CAB39: variants seen among roughly 807,000 people sequenced by gnomAD.
The protein encoded by CAB39 is calcium binding protein 39.
A neutral mutation model predicts 40.0 loss-of-function variants in CAB39; 8 were observed. That is an observed-to-expected ratio of 0.20 (90% CI 0.12 to 0.36). The LOEUF is 0.36. Ranked by LOEUF, CAB39 falls within the 10% of genes least tolerant of loss-of-function variation. The probability of loss-of-function intolerance (pLI) is 1.00; values close to 1 mark genes in which losing one functional copy is unlikely to be tolerated. For missense variants in CAB39, 270 were observed against 401.1 expected (o/e 0.67, Z 2.79); for synonymous variants, 156 against 141.6 (o/e 1.10, Z -0.72).
chr2:230,754,485 GCTC>G (rs941219852), intron 1 of CAB39, among the ~76,000 whole-genome samples: 1 of 114,856 alleles, frequency 8.7e-6, no homozygotes, highest in Non-Finnish European at 1.8e-5. Context: ...TACTCCTTCC[GCTC>G]CTCTTCCTCC....
intron 1 of CAB39, among the ~76,000 whole-genome samples, chr2:230,726,848 C>G (rs887109756): frequency 6.9e-6 from 1 of 144,086 alleles, no homozygotes; most frequent in Non-Finnish European, 1.5e-5. Flanking sequence ...AATGTTTTTT[C>G]TTTTTTAATC....
intron 1 of CAB39, among the ~76,000 whole-genome samples, chr2:230,752,813 A>G (rs1695113723): frequency 6.6e-6 from 1 of 152,242 alleles, no homozygotes; most frequent in South Asian, 2.1e-4. Flanking sequence ...GGAAGAGTTG[A>G]GTAAAGTTTG....
chr2:230,774,498 T>C (rs908337827), intron 2 of CAB39, among the ~76,000 whole-genome samples: 17 of 152,184 alleles, frequency 1.1e-4, no homozygotes, highest in African/African-American at 3.9e-4. Context: ...ACTTAGTCTT[T>C]CACTGCCAAC....
intron 2 of CAB39, among the ~76,000 whole-genome samples, chr2:230,783,442 A>AGTTTAGTTTTGTTTTGTTTT (rs144986777): frequency 1.3e-5 from 2 of 148,868 alleles, no homozygotes; most frequent in African/African-American, 2.5e-5. Context: ...GTTCTTGTCT[A>AGTTTAGTTTTGTTTTGTTTT]GTTTTGTTTT....
At chr2:230,756,723 C>T (rs956216035) in intron 1 of CAB39, among the ~76,000 whole-genome samples, 4 of 151,968 alleles carry the variant, frequency 2.6e-5, no homozygotes, top group Non-Finnish European at 2.9e-5. Flanking sequence ...GACGGAGTTT[C>T]GCTCTGTCGC....
chr2:230,760,761 G>A (rs1414886757), intron 2 of CAB39, among the ~76,000 whole-genome samples: 1 of 152,064 alleles, frequency 6.6e-6, no homozygotes, highest in Non-Finnish European at 1.5e-5. Flanking sequence ...TCCCACTTGT[G>A]ACTTGCCCTC....
chr2:230,741,504 T>G (rs542818115), intron 1 of CAB39, among the ~76,000 whole-genome samples: 3 of 152,314 alleles, frequency 2.0e-5, no homozygotes, highest in Admixed American at 6.5e-5. Context: ...AATGGGAATT[T>G]ATTTTCTCCT....
rs370597496 is a variant in CAB39 at position 230,740,671 on chromosome 2, C to T, written c.-43-19288C>T. ...ACCTAGATCCCTCGAATGCACAGTT[C>T]GCAATAGGGTTCACGCTCCTGTGAG... On this transcript the variant is annotated intron_variant, in intron 1 of 8. Transcript: ENST00000258418. Among the ~76,000 whole-genome samples the T allele has an allele frequency of 1.1e-4, 17 of 152,214 alleles. No individual in the cohort carries two copies. The East Asian group carries it at 1.2e-3, about 10-fold the overall frequency.
At chr2:230,733,177 A>C (rs1386433626) in intron 1 of CAB39, among the ~76,000 whole-genome samples, 1 of 152,208 alleles carries the variant, frequency 6.6e-6, no homozygotes, top group Non-Finnish European at 1.5e-5. Context: ...CAGACAGCAC[A>C]CATTTATGCC....
intron 2 of CAB39, among the ~76,000 whole-genome samples, chr2:230,764,929 A>G (rs538755356): frequency 1.3e-5 from 2 of 152,228 alleles, no homozygotes; most frequent in Non-Finnish European, 2.9e-5. Flanking sequence ...TGTATATTCA[A>G]AGGTCAAGAT....
intron 1 of CAB39, among the ~76,000 whole-genome samples, chr2:230,741,381 C>G (rs1195156337): frequency 5.9e-5 from 9 of 152,312 alleles, no homozygotes; most frequent in Middle Eastern, 3.4e-3. Flanking sequence ...TACAGGTCTA[C>G]TTCAGAATAT....
At chr2:230,720,028 A>T (rs1172769836) in intron 1 of CAB39, among the ~76,000 whole-genome samples, 1 of 152,220 alleles carries the variant, frequency 6.6e-6, no homozygotes, top group African/African-American at 2.4e-5. Flanking sequence ...CTTTGTGCTT[A>T]TGAATAAATA....
At chr2:230,798,636 C>A in intron 4 of CAB39, 93 bp from the exon 5 acceptor site, 1 of 1,041,004 alleles carries the variant, frequency 9.6e-7, no homozygotes, top group Non-Finnish European at 1.4e-6. Context: ...TGTCTGAAAA[C>A]TGTCTTTGGC....
intron 1 of CAB39, among the ~76,000 whole-genome samples, chr2:230,757,512 A>G (rs1695213400): frequency 6.6e-6 from 1 of 152,136 alleles, no homozygotes; most frequent in South Asian, 2.1e-4. Context: ...ACACAGAAGT[A>G]TTTTATATAT....
intron 6 of CAB39, among the ~76,000 whole-genome samples, chr2:230,813,551 G>A (rs537322699): frequency 2.0e-5 from 3 of 152,152 alleles, no homozygotes; most frequent in South Asian, 4.1e-4. Context: ...TTTCTATTCC[G>A]AATTACTTTT....
intron 1 of CAB39, among the ~76,000 whole-genome samples, chr2:230,758,886 C>G: frequency 6.6e-6 from 1 of 152,300 alleles, no homozygotes; most frequent in South Asian, 2.1e-4. Flanking sequence ...TTAACTACTT[C>G]TAGTTTTTTT....
intron 6 of CAB39, among the ~76,000 whole-genome samples, chr2:230,811,579 C>T (rs1312152473): frequency 2.0e-5 from 3 of 152,188 alleles, no homozygotes; most frequent in Admixed American, 6.5e-5. Flanking sequence ...CAAGTCTCAG[C>T]CCTACCATGG....
Position 230,819,031 on chromosome 2 carries a change from T to A in CAB39, c.*327T>A. On this transcript the variant is annotated 3_prime_UTR_variant, in exon 9 of 9. Transcript: ENST00000258418. ...TAGGAAAGAGGGCACTGATATCAGA[T>A]TAGACCTATGTGTTTGCACCCATCT... 1 of 232,060 alleles carries A rather than the reference T, an allele frequency of 4.3e-6. No individual in the cohort carries two copies. The allele number at this position is 232,060 out of a possible 1,614,324, so 14.4% of individuals were successfully genotyped here.
chr2:230,760,281 C>T (rs1040608887), intron 2 of CAB39, among the ~76,000 whole-genome samples, 166 bp downstream of exon 2: 2 of 152,136 alleles, frequency 1.3e-5, no homozygotes, highest in Non-Finnish European at 2.9e-5. Flanking sequence ...TCTGTATTTT[C>T]GTCTAACAAA....
Sources: gnomAD v4.1 joint callset for allele counts (sites outside exome capture counted in the v4.1 genomes callset) on GRCh38, gnomAD v4.1.1 for gene constraint, MANE v1.5 for transcripts, NCBI Gene and HGNC (gene_info 2026-07-23, HGNC 2026-07-21) for gene names.